Variants in MPP7 observed in about 807,000 individuals in gnomAD.
MPP7 encodes MAGUK p55 scaffold protein 7, also known as MAGUK p55 subfamily member 7.
In MPP7, 60 loss-of-function variants were observed where a neutral mutation model predicts 76.5. The observed-to-expected ratio is 0.78, with a 90% CI of 0.64 to 0.97. The LOEUF (loss-of-function observed/expected upper bound fraction) is 0.97, where lower values mean the gene tolerates loss of function less well. MPP7 is among the 50% of genes least tolerant of loss of function. MPP7 has a pLI of 0.00. For synonymous variants in MPP7, 237 were observed against 244.5 expected, an observed-to-expected ratio of 0.97 and a Z score of 0.29; for missense variants, 641 against 694.0, an observed-to-expected ratio of 0.92 and a Z score of 0.86.
intron 3 of MPP7, among the ~76,000 whole-genome samples, chr10:28,159,907 C>T (rs1836199552): frequency 6.6e-6 from 1 of 152,138 alleles, no homozygotes; most frequent in Admixed American, 6.5e-5. Flanking sequence ...TTACACATTT[C>T]ATGGTACAAC....
At position 28,054,130 on chromosome 10, in the gene MPP7, T is replaced by C. The variant is rs199872182; in HGVS notation, c.1666A>G (p.Lys556Glu). Residue 556 changes from lysine to glutamate, a missense_variant, in exon 17 of 17, where the codon AAA (lysine) becomes GAA (glutamate). Lys to Glu is a moderately conservative substitution (Grantham distance 56). Coordinates refer to ENST00000683449, the MANE Select transcript of MPP7 (RefSeq NM_001318170.2). ...DDLTVAFNEL[K>E]TTFDKLETET... The stretch of plus-strand genomic sequence containing the variant: ...GTCTCTAATTTGTCAAAAGTTGTTT[T>C]GAGCTCATTGAATGCCACAGTGAGG... 1 of 1,613,414 alleles carries C rather than the reference T, an allele frequency of 6.2e-7. No homozygotes were observed. Among genetic ancestry groups the C allele is most frequent in the African/African-American group, 1.3e-5 (1 of 74,938 alleles).
At chr10:28,193,753 G>C (rs1181852509) in intron 3 of MPP7, among the ~76,000 whole-genome samples, 1 of 151,930 alleles carries the variant, frequency 6.6e-6, no homozygotes, top group Non-Finnish European at 1.5e-5. Context: ...CAAAAAATCT[G>C]AATAGACACC....
At chr10:28,195,069 T>C (rs1332691459) in intron 3 of MPP7, among the ~76,000 whole-genome samples, 1 of 152,062 alleles carries the variant, frequency 6.6e-6, no homozygotes, top group East Asian at 1.9e-4. Context: ...ATGGGAGAAA[T>C]GATGGGCAAA....
At chr10:28,261,363 T>C (rs1047385954) in intron 1 of MPP7, among the ~76,000 whole-genome samples, 5 of 152,202 alleles carry the variant, frequency 3.3e-5, no homozygotes, top group African/African-American at 1.2e-4. Flanking sequence ...TGCGCTCCAC[T>C]GGCCAGTGCT....
Position 28,218,035 on chromosome 10 carries a change from G to A in MPP7, c.38-15764C>T, listed in dbSNP as rs548103448. ...TCATAGCTCCTCATGGAGACTTTAC[G>A]CCTAAATGAAAATAACGATGTGTAA... On this transcript the variant is annotated intron_variant, in intron 2 of 16. Coordinates refer to ENST00000683449, the MANE Select transcript of MPP7 (RefSeq NM_001318170.2). Among the ~76,000 whole-genome samples the A allele has an allele frequency of 4.6e-5, 7 of 152,266 alleles. No individual in the cohort carries two copies. In the East Asian group the frequency reaches 1.2e-3, roughly 25 times the overall value.
rs369115835 is a variant in MPP7 at position 28,238,405 on chromosome 10, C to T, written c.37+163G>A. Among the ~76,000 whole-genome samples, 6 of 152,322 alleles carry T rather than the reference C, an allele frequency of 3.9e-5. No homozygotes were observed. In the East Asian group the frequency reaches 7.7e-4, roughly 20 times the overall value. Reference sequence around the variant, plus strand: ...GCAATGAGTCCATGTCCTCCAGTAACTTTTACCTAGGAGGGCATCCCTGAG... The same window carrying T: ...GCAATGAGTCCATGTCCTCCAGTAATTTTTACCTAGGAGGGCATCCCTGAG... On this transcript the variant is annotated intron_variant, in intron 2 of 16. Coordinates refer to ENST00000683449, the MANE Select transcript of MPP7 (RefSeq NM_001318170.2).
chr10:28,328,569 CTTTT>C (rs34544679), intron 2 of MPP7, among the ~76,000 whole-genome samples: 12 of 136,554 alleles, frequency 8.8e-5, no homozygotes, highest in East Asian at 2.1e-4. Flanking sequence ...CTAGCAAGCA[CTTTT>C]TTTTTTTTTT....
At chr10:28,330,666 G>T (rs766253648) in intron 1 of MPP7, among the ~76,000 whole-genome samples, 18 of 151,972 alleles carry the variant, frequency 1.2e-4, no homozygotes, top group Admixed American at 2.6e-4. Context: ...TTTGGTTTTG[G>T]TTTTTTAAGA....
At chr10:28,185,728 A>T (rs1300153234) in intron 3 of MPP7, among the ~76,000 whole-genome samples, 4 of 152,192 alleles carry the variant, frequency 2.6e-5, no homozygotes, top group African/African-American at 9.7e-5. Context: ...TTACACAAAA[A>T]GTGTGCTCGT....
At position 28,097,667 on chromosome 10, in the gene MPP7, T is replaced by C. The variant is rs192147382; in HGVS notation, c.953-7826A>G. Reference sequence around the variant, plus strand: ...TTATGTTAGGTATGAAATAATTTAATAGAAAAAATTAACAAAGGACCAACG... The same window carrying C: ...TTATGTTAGGTATGAAATAATTTAACAGAAAAAATTAACAAAGGACCAACG... On this transcript the variant is annotated intron_variant, in intron 11 of 16. Transcript: ENST00000683449. Among the ~76,000 whole-genome samples the C allele has an allele frequency of 4.6e-3, 694 of 152,290 alleles. 7 individuals are homozygous for C. Among genetic ancestry groups the C allele is most frequent in the African/African-American group, 0.015 (619 of 41,576 alleles).
intron 1 of MPP7, among the ~76,000 whole-genome samples, chr10:28,291,841 CTT>C (rs945784572): frequency 2.0e-5 from 3 of 152,028 alleles, no homozygotes; most frequent in African/African-American, 7.2e-5. Context: ...TTAAGCTAAG[CTT>C]TGTTTATTAC....
intron 2 of MPP7, among the ~76,000 whole-genome samples, chr10:28,316,997 ATG>A (rs1443236709): frequency 1.3e-5 from 2 of 152,118 alleles, no homozygotes; most frequent in African/African-American, 4.8e-5. Context: ...CCACGCATGT[ATG>A]TAAGTGATCA....
Position 28,058,588 on chromosome 10 carries a change from TC to T in MPP7, c.1313del (p.Gly438GlufsTer12). The T allele has an allele frequency of 1.3e-6, 2 of 1,588,364 alleles. No homozygotes were observed. Among genetic ancestry groups the T allele is most frequent in the South Asian group, 1.1e-5 (1 of 88,074 alleles). ...TGCCGTAGTAGTTGTTTTTATATTCTCCATATTCAATAAACCTGTAAAAAAT... is the reference window on the plus strand; with the variant it reads ...TGCCGTAGTAGTTGTTTTTATATTCTCATATTCAATAAACCTGTAAAAAAT... ...DVQNNKFIEY[G>X]EYKNNYYGTS... On this transcript the variant is annotated frameshift_variant, in exon 15 of 17. Coordinates refer to ENST00000683449, the MANE Select transcript of MPP7 (RefSeq NM_001318170.2). LOFTEE classifies it high-confidence loss of function.
chr10:28,261,798 A>C (rs1300964019), intron 1 of MPP7, among the ~76,000 whole-genome samples: 2 of 152,042 alleles, frequency 1.3e-5, no homozygotes, highest in African/African-American at 2.4e-5. Flanking sequence ...TGTAACCTCA[A>C]CACTTTGGGA....
intron 2 of MPP7, among the ~76,000 whole-genome samples, chr10:28,312,852 C>G (rs990095242): frequency 6.6e-6 from 1 of 152,226 alleles, no homozygotes; most frequent in Non-Finnish European, 1.5e-5. Flanking sequence ...ACCTGGAAAG[C>G]AGAAGCTTCC....
At chr10:28,056,025 A>G (rs79696114) in intron 16 of MPP7, among the ~76,000 whole-genome samples, 3,683 of 152,290 alleles carry the variant, frequency 0.024, 98 homozygotes, top group East Asian at 0.12. Context: ...ATGTTTTCAT[A>G]TATACAACTG....
At chr10:28,292,395 G>A (rs1369031650) in intron 1 of MPP7, among the ~76,000 whole-genome samples, 3 of 151,146 alleles carry the variant, frequency 2.0e-5, no homozygotes, top group Admixed American at 2.0e-4. Flanking sequence ...ATTCACAGTA[G>A]AAACAGAAGC....
chr10:28,159,644 G>A (rs1836190753), intron 3 of MPP7, among the ~76,000 whole-genome samples: 1 of 152,146 alleles, frequency 6.6e-6, no homozygotes, highest in Non-Finnish European at 1.5e-5. Context: ...AGAGGAATAT[G>A]TTCAGAGCCT....
At chr10:28,222,247 T>C (rs7070142) in intron 2 of MPP7, among the ~76,000 whole-genome samples, 26,207 of 150,832 alleles carry the variant, frequency 0.17, 2,559 homozygotes, top group African/African-American at 0.26. Flanking sequence ...CTTGTAAATC[T>C]CAGCATTTTG....
Sources: gnomAD v4.1 joint callset for allele counts (sites outside exome capture counted in the v4.1 genomes callset) on GRCh38, gnomAD v4.1.1 for gene constraint, MANE v1.5 for transcripts, NCBI Gene and HGNC (gene_info 2026-07-23, HGNC 2026-07-21) for gene names.